SEMA3A: variants seen among roughly 807,000 people sequenced by gnomAD.
SEMA3A encodes the protein semaphorin-3A.
In SEMA3A, 29 loss-of-function variants were observed where a neutral mutation model predicts 97.9. The ratio of observed to expected loss-of-function variants is 0.30; its 90% CI spans 0.22 to 0.40. SEMA3A has a LOEUF of 0.40. SEMA3A is among the 10% of genes least tolerant of loss of function. SEMA3A has a pLI of 1.00. For synonymous variants in SEMA3A, 321 were observed against 323.7 expected (o/e 0.99, Z 0.09); for missense variants, 763 against 951.3 (o/e 0.80, Z 2.60).
At chr7:84,059,940 G>A (rs1449978201) in intron 5 of SEMA3A, among the ~76,000 whole-genome samples, 1 of 152,022 alleles carries the variant, frequency 6.6e-6, no homozygotes, top group Non-Finnish European at 1.5e-5. Flanking sequence ...TATCTTATTT[G>A]TATCTACTTC....
intron 1 of SEMA3A, among the ~76,000 whole-genome samples, chr7:84,459,132 T>C (rs1805760242): frequency 6.6e-6 from 1 of 152,160 alleles, no homozygotes; most frequent in Admixed American, 6.6e-5. Flanking sequence ...TAAGGACCCA[T>C]TACTTTTCCA....
intron 1 of SEMA3A, among the ~76,000 whole-genome samples, chr7:84,378,176 C>T (rs1056785874): frequency 6.6e-6 from 1 of 151,650 alleles, no homozygotes; most frequent in African/African-American, 2.4e-5. Context: ...TGAAGTTATC[C>T]ATAATGTCAT....
intron 15 of SEMA3A, among the ~76,000 whole-genome samples, chr7:83,966,266 T>TCTTATAGA (rs1400005128): frequency 1.3e-5 from 2 of 152,174 alleles, no homozygotes; most frequent in African/African-American, 4.8e-5. Flanking sequence ...TAGACTATAG[T>TCTTATAGA]CTTATAGACT....
At chr7:84,163,418 T>A (rs1797104978) in intron 1 of SEMA3A, among the ~76,000 whole-genome samples, 2 of 152,110 alleles carry the variant, frequency 1.3e-5, no homozygotes, top group Non-Finnish European at 2.9e-5. Flanking sequence ...CCAACTGTCC[T>A]TATGTTATAT....
intron 1 of SEMA3A, among the ~76,000 whole-genome samples, chr7:84,455,012 C>T (rs941989219): frequency 6.6e-6 from 1 of 151,794 alleles, no homozygotes; most frequent in African/African-American, 2.4e-5. Context: ...GAATGTGTAG[C>T]TAGGTCACAT....
chr7:84,412,701 G>A (rs936451677), intron 1 of SEMA3A, among the ~76,000 whole-genome samples: 1 of 152,118 alleles, frequency 6.6e-6, no homozygotes, highest in Non-Finnish European at 1.5e-5. Flanking sequence ...TTGAAAGCAA[G>A]CCTTTTTATT....
At position 84,317,167 on chromosome 7, in the gene SEMA3A, T is replaced by G. The variant is rs116408896; in HGVS notation, c.-168-9875A>C. On this transcript the variant is annotated intron_variant, in intron 2 of 3. Transcript: ENST00000424555. ...GACTTTTATACAAAACTTATGGGAG[T>G]ATACAGATTCTTTCCTTGGAAGGGA... Among the ~76,000 whole-genome samples the G allele has an allele frequency of 8.7e-3, 1,319 of 152,166 alleles. 17 individuals are homozygous for G. Among genetic ancestry groups the G allele is most frequent in the African/African-American group, 0.03 (1,262 of 41,502 alleles).
chr7:83,976,202 C>G (rs1370847527), intron 15 of SEMA3A, among the ~76,000 whole-genome samples: 1 of 152,046 alleles, frequency 6.6e-6, no homozygotes, highest in Non-Finnish European at 1.5e-5. Context: ...TGCTGGGGTT[C>G]TATGTGTGGT....
intron 5 of SEMA3A, among the ~76,000 whole-genome samples, chr7:84,046,955 C>T (rs1327261563): frequency 2.0e-5 from 3 of 151,854 alleles, no homozygotes; most frequent in Non-Finnish European, 4.4e-5. Flanking sequence ...TGAGATTTTG[C>T]TATGATTTAG....
At chr7:84,303,487 C>A (rs1801077152) in intron 3 of SEMA3A, among the ~76,000 whole-genome samples, 1 of 150,306 alleles carries the variant, frequency 6.7e-6, no homozygotes, top group South Asian at 2.1e-4. Flanking sequence ...ATCTGAAAAT[C>A]AAAATTAAGT....
At chr7:84,296,144 A>G (rs1046852845) in intron 3 of SEMA3A, among the ~76,000 whole-genome samples, 4 of 152,120 alleles carry the variant, frequency 2.6e-5, no homozygotes, top group Admixed American at 6.6e-5. Flanking sequence ...GTATATTCCC[A>G]CTTCAGTTAC....
At chr7:84,249,944 T>A (rs994234303) in intron 3 of SEMA3A, among the ~76,000 whole-genome samples, 1 of 150,582 alleles carries the variant, frequency 6.6e-6, no homozygotes, top group Admixed American at 6.6e-5. Context: ...TTTTTTTTTT[T>A]ACTCTGAGAC....
chr7:84,208,960 T>C (rs1798561278), intron 3 of SEMA3A, among the ~76,000 whole-genome samples: 1 of 152,216 alleles, frequency 6.6e-6, no homozygotes, highest in East Asian at 1.9e-4. Context: ...ACATTCAACA[T>C]CTAAATAGAA....
intron 2 of SEMA3A, among the ~76,000 whole-genome samples, chr7:84,129,980 C>T (rs903840319): frequency 6.6e-6 from 1 of 151,990 alleles, no homozygotes; most frequent in Non-Finnish European, 1.5e-5. Context: ...GCTTGGAGGA[C>T]AGTGGATTCA....
At chr7:84,293,846 C>G (rs1800807532) in intron 3 of SEMA3A, among the ~76,000 whole-genome samples, 2 of 151,986 alleles carry the variant, frequency 1.3e-5, no homozygotes, top group Non-Finnish European at 2.9e-5. Flanking sequence ...TTAACAACAG[C>G]CTTTTCCATA....
rs111942907 is a variant in SEMA3A, at chr7:84,245,944, C to T, written c.-82-51276G>A. On this transcript the variant is annotated intron_variant, in intron 3 of 3. Coordinates refer to the SEMA3A transcript ENST00000424555. The stretch of plus-strand genomic sequence containing the variant: ...GCAGGAATGTTTAAGTCAGCTACAG[C>T]TGTGCCCATAGCCGCCCCTTTCCCC... 3.3e-5 allele frequency among the ~76,000 whole-genome samples: 5 copies of T among 152,308 alleles called. 1 individual carries two copies. Among genetic ancestry groups the T allele is most frequent in the African/African-American group, 1.2e-4 (5 of 41,586 alleles).
At chr7:84,007,744 C>A (rs1790725088) in intron 9 of SEMA3A, among the ~76,000 whole-genome samples, 1 of 151,922 alleles carries the variant, frequency 6.6e-6, no homozygotes, top group African/African-American at 2.4e-5. Flanking sequence ...GGAATATACG[C>A]CTTCATATGA....
intron 5 of SEMA3A, among the ~76,000 whole-genome samples, chr7:84,050,529 G>A (rs1419900408): frequency 6.6e-6 from 1 of 151,912 alleles, no homozygotes; most frequent in Non-Finnish European, 1.5e-5. Context: ...GTCTGTTCAT[G>A]TCCTTCACCC....
At chr7:84,475,284 ATGTT>A (rs1316327389) in intron 1 of SEMA3A, among the ~76,000 whole-genome samples, 1 of 151,826 alleles carries the variant, frequency 6.6e-6, no homozygotes, top group African/African-American at 2.4e-5. Context: ...GTCTGCTTAT[ATGTT>A]TGTTTGTTCA....
Sources: allele counts gnomAD v4.1 joint callset (sites outside exome capture counted in the v4.1 genomes callset), GRCh38; gene constraint gnomAD v4.1.1; transcripts MANE v1.5; gene names NCBI Gene and HGNC (gene_info 2026-07-23, HGNC 2026-07-21).